SGCZ: variants seen among roughly 807,000 people sequenced by gnomAD.
The protein encoded by SGCZ is zeta-sarcoglycan.
In SGCZ, 40 loss-of-function variants were observed where a neutral mutation model predicts 41.3. The ratio of observed to expected loss-of-function variants is 0.97; its 90% CI spans 0.75 to 1.26. The LOEUF is 1.26. Among genes scored for constraint, SGCZ ranks in the 50% most tolerant of loss-of-function variants. The probability of loss-of-function intolerance (pLI) is 0.00; values close to 1 mark genes in which losing one functional copy is unlikely to be tolerated. For missense variants in SGCZ, 552 were observed against 369.8 expected (o/e 1.49, Z -4.04); for synonymous variants, 206 against 137.5 (o/e 1.50, Z -3.49).
At chr8:14,765,643 A>G (rs1432332470) in intron 1 of SGCZ, among the ~76,000 whole-genome samples, 1 of 152,290 alleles carries the variant, frequency 6.6e-6, no homozygotes, top group Admixed American at 6.5e-5. Flanking sequence ...TACACATAAA[A>G]CTATTAAGCA....
At chr8:14,900,383 G>T (rs949806299) in intron 1 of SGCZ, among the ~76,000 whole-genome samples, 12 of 152,072 alleles carry the variant, frequency 7.9e-5, no homozygotes, top group African/African-American at 2.7e-4. Context: ...AGTGAGTGAG[G>T]CTGAAAGCTA....
intron 1 of SGCZ, among the ~76,000 whole-genome samples, chr8:14,598,489 C>CTA (rs1310306106): frequency 9.3e-5 from 14 of 151,268 alleles, no homozygotes; most frequent in Admixed American, 3.3e-4. Flanking sequence ...ATCTCTCTCT[C>CTA]TCTATATATA....
intron 2 of SGCZ, among the ~76,000 whole-genome samples, chr8:14,422,472 C>T (rs568358474): frequency 1.3e-5 from 2 of 152,264 alleles, no homozygotes; most frequent in East Asian, 1.9e-4. Context: ...GTGAAAATCT[C>T]GTTTCAAACT....
chr8:14,775,453 A>G (rs903419940), intron 1 of SGCZ, among the ~76,000 whole-genome samples: 10 of 118,048 alleles, frequency 8.5e-5, no homozygotes, highest in Non-Finnish European at 1.6e-4. Context: ...GCTGAGTAGA[A>G]TATTTGAGTG....
At chr8:14,525,076 G>A (rs138019175) in intron 2 of SGCZ, among the ~76,000 whole-genome samples, 1,521 of 151,582 alleles carry the variant, frequency 0.01, 10 homozygotes, top group Non-Finnish European at 0.014. Context: ...ATGATAGATA[G>A]ATAGACACAT....
intron 1 of SGCZ, among the ~76,000 whole-genome samples, chr8:14,978,744 C>A (rs915952146): frequency 3.3e-5 from 5 of 152,002 alleles, no homozygotes; most frequent in African/African-American, 1.2e-4. Context: ...TTCTCAAACA[C>A]TAAAGAAGAC....
intron 1 of SGCZ, among the ~76,000 whole-genome samples, chr8:15,193,284 C>T (rs573856): frequency 0.42 from 64,316 of 151,916 alleles, 15,806 homozygotes; most frequent in Non-Finnish European, 0.54. Flanking sequence ...GAATATATCA[C>T]TGAATATAAT....
In SGCZ at chr8:14,799,053, T is replaced by C. The variant is rs550756314; in HGVS notation, c.40-244127A>G. On this transcript the variant is annotated intron_variant, in intron 1 of 7. Coordinates refer to ENST00000382080, the MANE Select transcript of SGCZ (RefSeq NM_139167.4). ...TTTCTTGATCTCAAAAATAGCATTA[T>C]ACAAATTAAAAAATTATTTTTATGT... 4.6e-5 allele frequency among the ~76,000 whole-genome samples: 7 copies of C among 152,040 alleles called. No homozygotes were observed. The South Asian group carries it at 8.3e-4, about 18-fold the overall frequency.
At position 14,947,461 on chromosome 8, in the gene SGCZ, G is replaced by A. The variant is rs761323793; in HGVS notation, c.39+290124C>T. Among the ~76,000 whole-genome samples, 14 of 152,086 alleles carry A rather than the reference G, an allele frequency of 9.2e-5. No homozygotes were observed. The East Asian group carries it at 2.1e-3, about 23-fold the overall frequency. On this transcript the variant is annotated intron_variant, in intron 1 of 7. Transcript: ENST00000382080. ...GACAACCTCTACAAGACATAAAAGCGCTCAGTCTCTGATCCTTTATAAAAG... is the reference window on the plus strand; with the variant it reads ...GACAACCTCTACAAGACATAAAAGCACTCAGTCTCTGATCCTTTATAAAAG...
intron 1 of SGCZ, among the ~76,000 whole-genome samples, chr8:14,946,044 A>G (rs1315593727): frequency 8.5e-6 from 1 of 117,238 alleles, no homozygotes; most frequent in Non-Finnish European, 1.8e-5. Flanking sequence ...ATATATATAT[A>G]TATATATATA....
chr8:14,295,194 C>G (rs1351615012), intron 3 of SGCZ, among the ~76,000 whole-genome samples: 1 of 152,102 alleles, frequency 6.6e-6, no homozygotes, highest in African/African-American at 2.4e-5. Flanking sequence ...TGTTCTTCAA[C>G]TGGTGAAATG....
chr8:14,560,201 AG>A (rs1804166580), intron 1 of SGCZ, among the ~76,000 whole-genome samples: 1 of 152,092 alleles, frequency 6.6e-6, no homozygotes, highest in African/African-American at 2.4e-5. Flanking sequence ...GAGCTAGGAG[AG>A]AAGACTTGTA....
Position 14,380,225 on chromosome 8 carries a change from C to G in SGCZ, c.235-56021G>C, listed in dbSNP as rs1804307714. 2.6e-5 allele frequency among the ~76,000 whole-genome samples: 4 copies of G among 152,170 alleles called. No individual in the cohort carries two copies. The South Asian group carries it at 8.3e-4, about 32-fold the overall frequency. ...ACTTATTTGTGAATATTTTTTCAGT[C>G]TATAGGTTTTGGTTATTATAGTACA... On this transcript the variant is annotated intron_variant, in intron 2 of 7. Transcript: ENST00000382080.
At chr8:15,099,757 C>A (rs908127533) in intron 1 of SGCZ, among the ~76,000 whole-genome samples, 6 of 151,926 alleles carry the variant, frequency 3.9e-5, no homozygotes, top group African/African-American at 9.7e-5. Flanking sequence ...TACACCACAA[C>A]CAAGTGAAAT....
chr8:14,426,283 C>G (rs1019139516), intron 2 of SGCZ, among the ~76,000 whole-genome samples: 1 of 151,930 alleles, frequency 6.6e-6, no homozygotes, highest in Non-Finnish European at 1.5e-5. Context: ...TGAAATAAAA[C>G]AAGGAGGGTG....
chr8:14,200,014 C>T lies in SGCZ; in HGVS notation c.425-35312G>A, dbSNP rs181250808. Among the ~76,000 whole-genome samples the T allele has an allele frequency of 2.5e-3, 375 of 152,176 alleles. 4 individuals are homozygous for T. Among genetic ancestry groups the T allele is most frequent in the African/African-American group, 8.3e-3 (345 of 41,508 alleles). ...AAAAGACATTAAATTTTGGGGTTGA[C>T]GACGTAAACAGAAACGTATTCTTAT... On this transcript the variant is annotated intron_variant, in intron 4 of 7. Transcript: ENST00000382080.
At chr8:14,327,853 T>A (rs550643331) in intron 2 of SGCZ, among the ~76,000 whole-genome samples, 143 of 152,298 alleles carry the variant, frequency 9.4e-4, no homozygotes, top group Admixed American at 2.8e-3. Flanking sequence ...CAATCTTGGC[T>A]CACTGCAACC....
At chr8:14,530,349 CAAT>C (rs1313564582) in intron 2 of SGCZ, among the ~76,000 whole-genome samples, 1 of 152,024 alleles carries the variant, frequency 6.6e-6, no homozygotes. Flanking sequence ...ATCAAACAAA[CAAT>C]AACACTATTA....
At chr8:14,574,697 A>G (rs1321320572) in intron 1 of SGCZ, among the ~76,000 whole-genome samples, 2 of 152,214 alleles carry the variant, frequency 1.3e-5, no homozygotes, top group Non-Finnish European at 2.9e-5. Context: ...TGGTCATGTA[A>G]AACTGTGGTC....
Sources: allele counts gnomAD v4.1 joint callset (sites outside exome capture counted in the v4.1 genomes callset), GRCh38; gene constraint gnomAD v4.1.1; transcripts MANE v1.5; gene names NCBI Gene and HGNC (gene_info 2026-07-23, HGNC 2026-07-21).